CPNE4: variants seen among roughly 807,000 people sequenced by gnomAD.
The protein encoded by CPNE4 is copine-4.
Under a neutral mutation model 67.9 loss-of-function variants are expected in CPNE4, and 25 were observed. The ratio of observed to expected loss-of-function variants is 0.37; its 90% confidence interval spans 0.27 to 0.51. The LOEUF (loss-of-function observed/expected upper bound fraction) is 0.51. Ranked by LOEUF, CPNE4 falls within the 20% of genes least tolerant of loss-of-function variation. CPNE4 has a pLI of 0.93. For missense variants in CPNE4, 464 were observed against 690.8 expected (o/e 0.67, Z 3.68); for synonymous variants, 242 against 244.9 (o/e 0.99, Z 0.11).
intron 7 of CPNE4, among the ~76,000 whole-genome samples, chr3:131,630,863 C>A (rs1237737828): frequency 1.3e-5 from 2 of 152,174 alleles, no homozygotes; most frequent in Non-Finnish European, 2.9e-5. Flanking sequence ...GAGATAAAAA[C>A]CTCTCTTTGG....
intron 6 of CPNE4, among the ~76,000 whole-genome samples, chr3:131,679,073 G>A (rs752191428): frequency 4.6e-5 from 7 of 152,048 alleles, no homozygotes; most frequent in Non-Finnish European, 7.4e-5. Flanking sequence ...TTGGTTGGTT[G>A]GTAGGCTATT....
At chr3:131,658,964 A>G (rs1001290410) in intron 7 of CPNE4, among the ~76,000 whole-genome samples, 1 of 152,216 alleles carries the variant, frequency 6.6e-6, no homozygotes, top group African/African-American at 2.4e-5. Flanking sequence ...CTCAATGAAA[A>G]GGCATCTTGG....
intron 3 of CPNE4, among the ~76,000 whole-genome samples, chr3:131,708,822 A>T (rs2081479868): frequency 6.6e-6 from 1 of 151,738 alleles, no homozygotes; most frequent in Non-Finnish European, 1.5e-5. Context: ...TTGTGCACTG[A>T]AAGGGGCAGT....
At chr3:131,562,813 G>A (rs1039438951) in intron 11 of CPNE4, among the ~76,000 whole-genome samples, 1 of 151,974 alleles carries the variant, frequency 6.6e-6, no homozygotes, top group African/African-American at 2.4e-5. Context: ...TGAAATTCAA[G>A]TTATCTTCAT....
At chr3:132,039,148 G>T (rs532011679), upstream of CPNE4, among the ~76,000 whole-genome samples, 15 of 152,182 alleles carry the variant, frequency 9.9e-5, no homozygotes, top group Non-Finnish European at 1.9e-4. Context: ...AGAAAGTTTT[G>T]TTATATAGCA....
chr3:131,636,295 G>T (rs1357732984), intron 7 of CPNE4, among the ~76,000 whole-genome samples: 1 of 152,134 alleles, frequency 6.6e-6, no homozygotes, highest in Non-Finnish European at 1.5e-5. Flanking sequence ...GTTGAGCGGG[G>T]TTGCTTGGTA....
At chr3:131,653,027 A>G (rs2079851909) in intron 7 of CPNE4, among the ~76,000 whole-genome samples, 1 of 152,198 alleles carries the variant, frequency 6.6e-6, no homozygotes, top group Admixed American at 6.5e-5. Context: ...CGTGACCAAT[A>G]GAAGAATCAG....
At chr3:132,011,822 A>C (rs1235401496) in intron 1 of CPNE4, among the ~76,000 whole-genome samples, 4 of 152,232 alleles carry the variant, frequency 2.6e-5, no homozygotes, top group African/African-American at 9.6e-5. Flanking sequence ...AAAGTGTTCC[A>C]GTTAACACAT....
At chr3:131,604,314 TATTGAAAAAC>T (rs1240661071) in intron 7 of CPNE4, among the ~76,000 whole-genome samples, 1 of 152,166 alleles carries the variant, frequency 6.6e-6, no homozygotes, top group Admixed American at 6.5e-5. Context: ...TTCCTAACCT[TATTGAAAAAC>T]ATGAATTCCA....
At chr3:131,846,481 C>T (rs2107632446) in intron 2 of CPNE4, among the ~76,000 whole-genome samples, 1 of 152,300 alleles carries the variant, frequency 6.6e-6, no homozygotes. Context: ...TCCAGTTTCC[C>T]CAGCACAGCC....
At chr3:131,660,894 G>A (rs1432709315) in intron 7 of CPNE4, among the ~76,000 whole-genome samples, 1 of 152,120 alleles carries the variant, frequency 6.6e-6, no homozygotes, top group Non-Finnish European at 1.5e-5. Flanking sequence ...AATGCTAGAT[G>A]TTGTTTTCAG....
chr3:131,905,523 C>A, intron 1 of CPNE4, 79 bp from the exon 2 acceptor site: 1 of 1,312,384 alleles, frequency 7.6e-7, no homozygotes, highest in East Asian at 2.5e-5. Context: ...CTCCCAATCA[C>A]CCTTCAGAAA....
chr3:131,587,646 A>G, intron 7 of CPNE4, 64 bp from the exon 8 acceptor site: 1 of 1,183,718 alleles, frequency 8.4e-7, no homozygotes, highest in Non-Finnish European at 1.2e-6. Flanking sequence ...GCTGAAGGCA[A>G]TGTTAACTTT....
intron 7 of CPNE4, among the ~76,000 whole-genome samples, chr3:131,651,175 T>G (rs1483791454): frequency 4.6e-5 from 7 of 152,180 alleles, no homozygotes. Flanking sequence ...GAAAGAATCC[T>G]TCAAAGGGCC....
At chr3:131,960,599 T>C (rs1413880653) in intron 1 of CPNE4, among the ~76,000 whole-genome samples, 1 of 152,178 alleles carries the variant, frequency 6.6e-6, no homozygotes, top group African/African-American at 2.4e-5. Context: ...AACTTGAACA[T>C]TATAAAATGT....
chr3:131,704,862 C>T (rs1396115804), intron 3 of CPNE4, among the ~76,000 whole-genome samples: 2 of 150,772 alleles, frequency 1.3e-5, no homozygotes, highest in Non-Finnish European at 2.9e-5. Flanking sequence ...TTGTGTATCC[C>T]ATATTGAAGC....
rs150895480 is a variant in CPNE4 at position 131,640,605 on chromosome 3, A to C, written c.681+29070T>G. Reference sequence around the variant, plus strand: ...GACCATACTGCCAAAAGCGATCCACAAATTCAATGCAATTCCCATCAAAAT... The same window carrying C: ...GACCATACTGCCAAAAGCGATCCACCAATTCAATGCAATTCCCATCAAAAT... On this transcript the variant is annotated intron_variant, in intron 7 of 15. Coordinates refer to ENST00000429747, the MANE Select transcript of CPNE4 (RefSeq NM_130808.3). Among the ~76,000 whole-genome samples the C allele has an allele frequency of 8.7e-3, 1,330 of 152,232 alleles. 10 individuals carry two copies. Among genetic ancestry groups the C allele is most frequent in the Middle Eastern group, 0.041 (12 of 294 alleles).
At chr3:131,954,669 C>T (rs1255999920) in intron 1 of CPNE4, among the ~76,000 whole-genome samples, 1 of 152,158 alleles carries the variant, frequency 6.6e-6, no homozygotes, top group Non-Finnish European at 1.5e-5. Context: ...ATGACAGGCC[C>T]AGTGTGTGAT....
chr3:131,546,724 C>CTTTG (rs1935860416), intron 14 of CPNE4, among the ~76,000 whole-genome samples: 1 of 152,126 alleles, frequency 6.6e-6, no homozygotes, highest in Non-Finnish European at 1.5e-5. Flanking sequence ...AAATCCAGAC[C>CTTTG]TTTGTTAGTT....
Sources: gnomAD v4.1 joint callset for allele counts (sites outside exome capture counted in the v4.1 genomes callset) on GRCh38, gnomAD v4.1.1 for gene constraint, MANE v1.5 for transcripts, NCBI Gene and HGNC (gene_info 2026-07-23, HGNC 2026-07-21) for gene names.